The following NOL6 variants were observed in gnomAD, a reference collection of about 807,000 sequenced individuals.
NOL6 encodes the protein nucleolar RNA-associated protein.
Under a neutral mutation model 131.7 loss-of-function variants are expected in NOL6, and 33 were observed. The ratio of observed to expected loss-of-function variants is 0.25; its 90% confidence interval spans 0.19 to 0.33. The LOEUF (loss-of-function observed/expected upper bound fraction) is 0.33, where lower values mean the gene tolerates loss of function less well. Among genes scored for constraint, NOL6 ranks in the 10% least tolerant of loss-of-function variants. The pLI, the probability that NOL6 is intolerant of heterozygous loss-of-function variation, is 1.00. For missense variants in NOL6, 1,297 were observed against 1,494.5 expected, an observed-to-expected ratio of 0.87 and a Z score of 2.18; for synonymous variants, 580 against 605.7, an observed-to-expected ratio of 0.96 and a Z score of 0.62.
Position 33,464,074 on chromosome 9 carries a change from T to C in NOL6, c.2867A>G (p.Lys956Arg), listed in dbSNP as rs1587215213. The C allele has an allele frequency of 4.3e-6, 7 of 1,613,742 alleles. No homozygotes were observed. The highest frequency in any genetic ancestry group is 1.7e-5 in the Admixed American group (1 of 59,988). The change falls in exon 22 of 26, where the codon AAA (lysine) becomes AGA (arginine). Residue 956 changes from lysine (K) to arginine (R), a missense_variant. Lys to Arg is a conservative substitution (Grantham distance 26, BLOSUM62 2). Transcript: ENST00000297990. ...VMVIVTPQDR[K>R]NSVWTQDGPS... is the part of the protein sequence containing the mutation. ...TCCATCCTGTGTCCACACAGAGTTT[T>C]TGCGGTCTTGGGGGGTAACAATGAC... is the stretch of plus-strand genomic sequence containing the variant.
In NOL6 at chr9:33,466,056, C is replaced by T. The variant is rs1827231801; in HGVS notation, c.2364+15G>A. 1 of 1,569,728 alleles carries T rather than the reference C, an allele frequency of 6.4e-7. No individual in the cohort carries two copies. Among genetic ancestry groups the T allele is most frequent in the Non-Finnish European group, 8.7e-7 (1 of 1,153,586 alleles). On this transcript the variant is annotated intron_variant, in intron 18 of 25. Coordinates refer to ENST00000297990, the MANE Select transcript of NOL6 (RefSeq NM_022917.5). ...CCCCCTTCCCTGGGGACATATCTGC[C>T]TGCACCAGCCTAACCTTAAGGACAT...
chr9:33,468,685 G>A (rs1367298860), intron 8 of NOL6, 67 bp downstream of exon 8: 10 of 1,610,362 alleles, frequency 6.2e-6, no homozygotes, highest in African/African-American at 1.3e-5. Flanking sequence ...CCAAAAGACT[G>A]CTACTGGGAT....
At chr9:33,471,385 AC>A (rs1360828799) in intron 3 of NOL6, among the ~76,000 whole-genome samples, 4 of 152,378 alleles carry the variant, frequency 2.6e-5, no homozygotes, top group African/African-American at 9.6e-5. Flanking sequence ...ACTTCGGGAC[AC>A]AATGCCCTGC....
At chr9:33,464,842 G>A (rs1213664179) in intron 21 of NOL6, 37 bp downstream of exon 21, 2 of 1,471,742 alleles carry the variant, frequency 1.4e-6, no homozygotes, top group Admixed American at 1.7e-5. Flanking sequence ...ATAAAGAGCT[G>A]TTCTTCCAGC....
chr9:33,471,879 C>T (rs1587227472), intron 3 of NOL6, 125 bp downstream of exon 3: 1 of 741,656 alleles, frequency 1.3e-6, no homozygotes, highest in East Asian at 2.5e-5. Context: ...AGCTAAGCTT[C>T]CTTGCTGTGA....
Position 33,469,087 on chromosome 9 carries a change from T to C in NOL6, c.897A>G (p.Thr299=). The C allele has an allele frequency of 6.2e-7, 1 of 1,614,124 alleles. No homozygotes were observed. Among genetic ancestry groups the C allele is most frequent in the East Asian group, 2.2e-5 (1 of 44,886 alleles). The part of the protein sequence containing the change: ...SPEPPTPRYN[T]WVLQDTVLES... ...CGAGAACTGTATCTTGCAGGACCCATGTGTTATAGCGGGGGGTAGGAGGCT... is the reference window on the plus strand; with the variant it reads ...CGAGAACTGTATCTTGCAGGACCCACGTGTTATAGCGGGGGGTAGGAGGCT... The change falls in exon 7 of 26, where the codon ACA becomes ACG. Residue 299 remains threonine (T), a synonymous_variant. Coordinates refer to ENST00000297990, the MANE Select transcript of NOL6 (RefSeq NM_022917.5).
chr9:33,465,900 G>A lies in NOL6; in HGVS notation c.2365-3C>T. 6.2e-7 allele frequency: 1 copy of A among 1,613,148 alleles called. No individual in the cohort carries two copies. Among genetic ancestry groups the A allele is most frequent in the Non-Finnish European group, 8.5e-7 (1 of 1,179,270 alleles). ...CGAATCCGAAACACAAATCCATCCT[G>A]TTGGAAGAAGGTATGGAAAGAGAAG... On this transcript the variant is annotated splice_polypyrimidine_tract_variant and splice_region_variant and intron_variant, in intron 18 of 25. Transcript: ENST00000297990.
At chr9:33,469,693 G>A in intron 4 of NOL6, 26 bp from the exon 5 acceptor site, 1 of 1,596,664 alleles carries the variant, frequency 6.3e-7, no homozygotes, top group Non-Finnish European at 8.5e-7. Flanking sequence ...GAGAAGAGAA[G>A]GCCAGGCACA....
Position 33,467,552 on chromosome 9 carries a change from A to G in NOL6, c.1603-36T>C, listed in dbSNP as rs745461278. The G allele has an allele frequency of 4.9e-5, 79 of 1,611,082 alleles. No homozygotes were observed. The Admixed American group carries it at 1.1e-3, about 22-fold the overall frequency. ...TCAAAAGGCTGAGCTCAGTCCTCCAATCCTCCAGCCTGGCCTAGAAACCTA... is the reference window on the plus strand; with the variant it reads ...TCAAAAGGCTGAGCTCAGTCCTCCAGTCCTCCAGCCTGGCCTAGAAACCTA... On this transcript the variant is annotated intron_variant, in intron 12 of 25. Coordinates refer to ENST00000297990, the MANE Select transcript of NOL6 (RefSeq NM_022917.5). The surrounding 1 kb of genome is among the most constrained non-coding windows in gnomAD (Gnocchi z 4.4).
At position 33,473,866 on chromosome 9, in the gene NOL6, G is replaced by A. The variant is rs1827484184; in HGVS notation, c.-24C>T. On this transcript the variant is annotated 5_prime_UTR_variant, in exon 1 of 26. Coordinates refer to ENST00000297990, the MANE Select transcript of NOL6 (RefSeq NM_022917.5). ...ATCACTCAGGGTCCAGCACTCTCCC[G>A]CACTTCAGATTCTAGCCGGGTCTAT... 6.2e-7 allele frequency: 1 copy of A among 1,609,502 alleles called. No individual in the cohort carries two copies. Among genetic ancestry groups the A allele is most frequent in the Non-Finnish European group, 8.5e-7 (1 of 1,179,874 alleles).
chr9:33,470,441 C>A (rs561524593), intron 3 of NOL6: 99 of 261,318 alleles, frequency 3.8e-4, no homozygotes, highest in African/African-American at 2.2e-3. Context: ...GCCTGTAATC[C>A]CAGCACTTTG....
In NOL6 at chr9:33,472,333, G is replaced by A. The variant is rs1372006138; in HGVS notation, c.134C>T (p.Pro45Leu). Residue 45 changes from proline to leucine, a missense_variant, in exon 2 of 26, where the codon CCA becomes CTA. Transcript: ENST00000297990. Reference sequence around the variant, plus strand: ...CACTGGCTGCAGGAGGCCCTTCGCTGGAGGTTCAGCCAATGTACGCTTCCT... The same window carrying A: ...CACTGGCTGCAGGAGGCCCTTCGCTAGAGGTTCAGCCAATGTACGCTTCCT... The part of the protein sequence containing the change: ...SSRKRTLAEP[P>L]AKGLLQPVKL... 1 of 1,614,092 alleles carries A rather than the reference G, an allele frequency of 6.2e-7. No individual in the cohort carries two copies. Among genetic ancestry groups the A allele is most frequent in the Non-Finnish European group, 8.5e-7 (1 of 1,180,038 alleles).
In NOL6 at chr9:33,465,823, C is replaced by T. The variant is rs770366311; in HGVS notation, c.2439G>A (p.Glu813=). Residue 813 remains glutamate, a synonymous_variant, in exon 19 of 26, where the codon GAG becomes GAA. Coordinates refer to ENST00000297990, the MANE Select transcript of NOL6 (RefSeq NM_022917.5). ...PQILKEVQSP[E]GMISLRDTAA... Reference sequence around the variant, plus strand: ...CTGTGTCCCTCAGCGAGATCATCCCCTCTGGGCTCTGCACCTCCTTCAGGA... The same window carrying T: ...CTGTGTCCCTCAGCGAGATCATCCCTTCTGGGCTCTGCACCTCCTTCAGGA... 74 of 1,614,132 alleles carry T rather than the reference C, an allele frequency of 4.6e-5. No individual in the cohort carries two copies. In the South Asian group the frequency reaches 5.4e-4, roughly 12 times the overall value.
rs780856982 is a variant in NOL6, at chr9:33,468,972, G to A, written c.1012C>T (p.Arg338Trp). ...VALLKVWLRQ[R>W]ELDKGQGGFT... is the part of the protein sequence containing the mutation. ...CCCCAACTCACCTTGTCCAGCTCCC[G>A]CTGCCGCAGCCAGACCTTCAGAAGT... Residue 338 changes from arginine (R) to tryptophan (W), a missense_variant, in exon 7 of 26, where the codon CGG (arginine) becomes TGG (tryptophan). Transcript: ENST00000297990. 7.4e-6 allele frequency: 12 copies of A among 1,614,088 alleles called. No homozygotes were observed. The highest frequency in any genetic ancestry group is 2.2e-5 in the East Asian group (1 of 44,884).
Position 33,461,989 on chromosome 9 carries a change from T to C in NOL6, c.*675A>G. The stretch of plus-strand genomic sequence containing the variant: ...CTAACGGGTAGCCCCCAGTGCTTTT[T>C]GCACCTCTCCAAGATTGGGTGACTA... On this transcript the variant is annotated 3_prime_UTR_variant, in exon 26 of 26. Transcript: ENST00000297990. 3.3e-6 allele frequency: 2 copies of C among 604,798 alleles called. No individual in the cohort carries two copies. The highest frequency in any genetic ancestry group is 2.6e-5 in the Admixed American group (1 of 39,096). The allele number at this position is 604,798 out of a possible 1,614,324, so 37.5% of individuals were successfully genotyped here. A position where few individuals can be genotyped will look rare whatever the true frequency, so the allele number is the denominator to read the frequency against.
Position 33,462,778 on chromosome 9 carries a change from T to A in NOL6, c.3327A>T (p.Arg1109=), listed in dbSNP as rs1274158549. The A allele has an allele frequency of 1.2e-6, 2 of 1,614,006 alleles. No individual in the cohort carries two copies. Among genetic ancestry groups the A allele is most frequent in the Middle Eastern group, 1.6e-4 (1 of 6,062 alleles). ...TGGGCACCATTACTAGCTCCCCACC[T>A]CGAGACATCACCATGCGCCCCTTTG... is the stretch of plus-strand genomic sequence containing the variant. ...SSTKGRMVMS[R]GGELVMVPNV... is the part of the protein sequence containing the mutation. The change falls in exon 26 of 26, where the codon CGA becomes CGT. Residue 1109 remains arginine (R), a synonymous_variant. Coordinates refer to ENST00000297990, the MANE Select transcript of NOL6 (RefSeq NM_022917.5).
chr9:33,462,833 G>C lies in NOL6; in HGVS notation c.3292-20C>G, dbSNP rs377536777. ...GGAGGCCTGGGGAAATCAGAGAAGAGATGTGGGTTGAGTGTCACAGCGGCA... is the reference window on the plus strand; with the variant it reads ...GGAGGCCTGGGGAAATCAGAGAAGACATGTGGGTTGAGTGTCACAGCGGCA... On this transcript the variant is annotated intron_variant, in intron 25 of 25. Coordinates refer to ENST00000297990, the MANE Select transcript of NOL6 (RefSeq NM_022917.5). 86 of 1,613,496 alleles carry C rather than the reference G, an allele frequency of 5.3e-5. No individual in the cohort carries two copies. Among genetic ancestry groups the C allele is most frequent in the Non-Finnish European group, 6.7e-5 (79 of 1,179,746 alleles).
rs773297599 is a variant in NOL6 at position 33,462,811 on chromosome 9, G to C, written c.3294C>G (p.Ala1098=). 7 of 1,614,036 alleles carry C rather than the reference G, an allele frequency of 4.3e-6. No individual in the cohort carries two copies. The highest frequency in any genetic ancestry group is 5.9e-6 in the Non-Finnish European group (7 of 1,179,984). Residue 1098 remains alanine (A), a splice_region_variant and synonymous_variant, in exon 26 of 26, where the codon GCC becomes GCG. Transcript: ENST00000297990. ...PTSFQPQPFK[A]SSTKGRMVMS... is the part of the protein sequence containing the mutation. ...TCACCATGCGCCCCTTTGTGCTGGA[G>C]GCCTGGGGAAATCAGAGAAGAGATG...
At position 33,466,055 on chromosome 9, in the gene NOL6, C is replaced by A; in HGVS notation, c.2364+16G>T. On this transcript the variant is annotated intron_variant, in intron 18 of 25. Coordinates refer to ENST00000297990, the MANE Select transcript of NOL6 (RefSeq NM_022917.5). ...CCCCCCTTCCCTGGGGACATATCTG[C>A]CTGCACCAGCCTAACCTTAAGGACA... 6.4e-7 allele frequency: 1 copy of A among 1,569,112 alleles called. No individual in the cohort carries two copies. The highest frequency in any genetic ancestry group is 1.2e-5 in the South Asian group (1 of 84,694).
Sources: gnomAD v4.1 joint callset for allele counts (sites outside exome capture counted in the v4.1 genomes callset) on GRCh38, gnomAD v4.1.1 for gene constraint, Gnocchi (gnomAD v3.1) non-coding constraint, MANE v1.5 for transcripts, NCBI Gene and HGNC (gene_info 2026-07-23, HGNC 2026-07-21) for gene names.